KDM4C: variants seen among roughly 807,000 people sequenced by gnomAD.
The protein encoded by KDM4C is lysine-specific demethylase 4C.
Under a neutral mutation model 129.3 loss-of-function variants are expected in KDM4C, and 81 were observed. The observed-to-expected ratio is 0.63, with a 90% CI of 0.52 to 0.75. KDM4C has a LOEUF of 0.75. Ranked by LOEUF, KDM4C falls within the 30% of genes least tolerant of loss-of-function variation. KDM4C has a pLI of 0.00. For missense variants in KDM4C, 1,457 were observed against 1,304.0 expected (o/e 1.12, Z -1.81); for synonymous variants, 573 against 456.1 (o/e 1.26, Z -3.26).
chr9:6,816,675 C>T (rs533624324), intron 4 of KDM4C, among the ~76,000 whole-genome samples: 44 of 152,306 alleles, frequency 2.9e-4, no homozygotes, highest in African/African-American at 1.0e-3. Flanking sequence ...CCCACATCCT[C>T]CCTAACACTC....
At chr9:6,834,502 T>C (rs1034718513) in intron 4 of KDM4C, 4 of 640,692 alleles carry the variant, frequency 6.2e-6, no homozygotes, top group African/African-American at 5.4e-5. Flanking sequence ...GGCTCCGGCA[T>C]GTGGAAGGCT....
intron 5 of KDM4C, among the ~76,000 whole-genome samples, chr9:6,858,316 A>G (rs1200901551): frequency 6.6e-6 from 1 of 151,534 alleles, no homozygotes. Flanking sequence ...TGCTTGCTGA[A>G]TCTTTTTTGC....
chr9:6,977,318 A>G (rs1833086907), intron 8 of KDM4C, among the ~76,000 whole-genome samples: 1 of 152,204 alleles, frequency 6.6e-6, no homozygotes, highest in East Asian at 1.9e-4. Context: ...AATTTTAAAT[A>G]TTATCCTCTT....
intron 17 of KDM4C, among the ~76,000 whole-genome samples, chr9:7,072,076 A>G (rs764293710): frequency 1.1e-4 from 17 of 152,214 alleles, no homozygotes; most frequent in Non-Finnish European, 2.1e-4. Context: ...ATTATCTGTT[A>G]GGTAAAGCAA....
At chr9:6,816,254 AAT>A (rs1028852397) in intron 4 of KDM4C, among the ~76,000 whole-genome samples, 1 of 152,132 alleles carries the variant, frequency 6.6e-6, no homozygotes, top group African/African-American at 2.4e-5. Context: ...TTTATTTTGA[AAT>A]ATAAAACAAG....
chr9:6,925,613 G>A (rs1490257745), intron 8 of KDM4C: 9 of 985,384 alleles, frequency 9.1e-6, no homozygotes, highest in African/African-American at 3.5e-5. Context: ...TTCTAAAACC[G>A]TCTTGGCTTG....
chr9:7,013,872 C>G lies in KDM4C; in HGVS notation c.2053C>G (p.Leu685Val), dbSNP rs778587587. Residue 685 changes from leucine (L) to valine (V), a missense_variant, in exon 14 of 22, where the codon CTC (leucine) becomes GTC (valine). By Grantham distance (32) the Leu-to-Val change is conservative (BLOSUM62 1). Coordinates refer to ENST00000381309, the MANE Select transcript of KDM4C (RefSeq NM_015061.6). The part of the protein sequence containing the change: ...VVTSEGKTKP[L>V]IPEMCFIYSE... ...TACATCGGAGGGAAAGACTAAGCCC[C>G]TCATACCAGAGATGTGTTTTATTTA... The G allele has an allele frequency of 1.9e-6, 3 of 1,613,950 alleles. No homozygotes were observed. The highest frequency in any genetic ancestry group is 1.7e-5 in the Admixed American group (1 of 60,014).
intron 8 of KDM4C, among the ~76,000 whole-genome samples, chr9:6,931,732 C>G (rs1224427672): frequency 6.6e-6 from 1 of 152,180 alleles, no homozygotes; most frequent in Admixed American, 6.5e-5. Flanking sequence ...AACTGCTGGA[C>G]TCAAGTGATC....
intron 6 of KDM4C, among the ~76,000 whole-genome samples, chr9:6,881,107 T>C (rs1844380376): frequency 6.6e-6 from 1 of 152,198 alleles, no homozygotes. Context: ...GTTCCTGCCT[T>C]ATATGTGCTT....
At chr9:7,149,453 C>G (rs1587876898) in intron 19 of KDM4C, among the ~76,000 whole-genome samples, 2 of 152,356 alleles carry the variant, frequency 1.3e-5, no homozygotes, top group East Asian at 3.9e-4. Context: ...GCAGCTGCAC[C>G]TGGGAGCATG....
intron 1 of KDM4C, among the ~76,000 whole-genome samples, chr9:6,789,588 A>G (rs1359150834): frequency 1.3e-5 from 2 of 151,586 alleles, no homozygotes; most frequent in African/African-American, 4.8e-5. Context: ...CTGGTCTCCA[A>G]CTCCTGGACT....
chr9:6,827,218 G>A (rs1223282097), intron 4 of KDM4C, among the ~76,000 whole-genome samples: 1 of 152,168 alleles, frequency 6.6e-6, no homozygotes, highest in Non-Finnish European at 1.5e-5. Context: ...GTGACTTTCA[G>A]GAAAGCTCTG....
chr9:7,105,749 A>G (rs545248271), intron 18 of KDM4C, among the ~76,000 whole-genome samples: 59 of 152,308 alleles, frequency 3.9e-4, no homozygotes, highest in African/African-American at 1.3e-3. Context: ...ACTGATGACT[A>G]TATTGAAGTT....
chr9:6,725,687 C>CTTTCTTTTCT (rs141556812), intron 1 of KDM4C, among the ~76,000 whole-genome samples: 1 of 137,748 alleles, frequency 7.3e-6, no homozygotes, highest in South Asian at 2.3e-4. Context: ...GATTGGGTTT[C>CTTTCTTTTCT]TTTCTTTTCT....
chr9:7,075,467 A>G (rs975215613), intron 17 of KDM4C, among the ~76,000 whole-genome samples: 2 of 152,072 alleles, frequency 1.3e-5, no homozygotes, highest in Admixed American at 1.3e-4. Context: ...TTAAGTCCTC[A>G]CTGACGGAAT....
intron 8 of KDM4C, among the ~76,000 whole-genome samples, chr9:6,899,653 C>T (rs902108416): frequency 6.6e-6 from 1 of 152,002 alleles, no homozygotes; most frequent in African/African-American, 2.4e-5. Flanking sequence ...ATATGAAGAA[C>T]ATAGTCACAT....
At chr9:7,011,562 T>C (rs1364727938) in intron 12 of KDM4C, 136 bp from the exon 13 acceptor site, 3 of 728,678 alleles carry the variant, frequency 4.1e-6, no homozygotes, top group Admixed American at 2.5e-5. Flanking sequence ...TCTCAGGATG[T>C]ATTTGAAAGA....
At chr9:7,025,112 G>C (rs1282758444) in intron 15 of KDM4C, among the ~76,000 whole-genome samples, 1 of 152,114 alleles carries the variant, frequency 6.6e-6, no homozygotes, top group East Asian at 1.9e-4. Flanking sequence ...ATTATATAGT[G>C]ACCTTATTTT....
chr9:6,863,933 C>T (rs1255531813), intron 5 of KDM4C, among the ~76,000 whole-genome samples: 3 of 152,114 alleles, frequency 2.0e-5, no homozygotes, highest in Non-Finnish European at 1.5e-5. Flanking sequence ...TGATCCACCC[C>T]CATGATGGAA....
Sources: gnomAD v4.1 joint callset for allele counts (sites outside exome capture counted in the v4.1 genomes callset) on GRCh38, gnomAD v4.1.1 for gene constraint, MANE v1.5 for transcripts, NCBI Gene and HGNC (gene_info 2026-07-23, HGNC 2026-07-21) for gene names.